The following RAB28 variants were observed in gnomAD, a reference collection of about 807,000 sequenced individuals.
RAB28 encodes RAB28, member RAS oncogene family.
A neutral mutation model predicts 31.7 loss-of-function variants in RAB28; 24 were observed. That is an observed-to-expected ratio of 0.76 (90% CI 0.55 to 1.06). RAB28 has a LOEUF of 1.06. RAB28 is among the 50% of genes least tolerant of loss of function. The probability of loss-of-function intolerance (pLI) is 0.00; values close to 1 mark genes in which losing one functional copy is unlikely to be tolerated. For synonymous variants in RAB28, 100 were observed against 90.4 expected (o/e 1.11, Z -0.60); for missense variants, 254 against 258.5 (o/e 0.98, Z 0.12).
intron 4 of RAB28, among the ~76,000 whole-genome samples, chr4:13,458,306 A>G (rs372653907): frequency 5.3e-5 from 8 of 151,924 alleles, no homozygotes; most frequent in African/African-American, 1.9e-4. Context: ...CATGGTTTTA[A>G]ATTAAGCTTG....
At chr4:13,384,233 C>A (rs1429684215) in intron 4 of RAB28, among the ~76,000 whole-genome samples, 2 of 152,312 alleles carry the variant, frequency 1.3e-5, no homozygotes, top group African/African-American at 2.4e-5. Context: ...AGCACCCGAC[C>A]CCCATGCTAA....
intron 5 of RAB28, 137 bp downstream of exon 5, chr4:13,381,354 T>C: frequency 6.9e-6 from 4 of 580,640 alleles, no homozygotes; most frequent in Non-Finnish European, 6.1e-6. Flanking sequence ...AATAAACATG[T>C]TATATCTAAT....
chr4:13,462,721 T>G (rs1715654758), intron 3 of RAB28, among the ~76,000 whole-genome samples: 1 of 152,194 alleles, frequency 6.6e-6, no homozygotes, highest in Non-Finnish European at 1.5e-5. Flanking sequence ...TTCTATAATA[T>G]ACAAAATCAC....
At chr4:13,477,335 C>T (rs1045975888) in intron 2 of RAB28, among the ~76,000 whole-genome samples, 9 of 151,472 alleles carry the variant, frequency 5.9e-5, no homozygotes, top group African/African-American at 2.2e-4. Flanking sequence ...GTTTACACCC[C>T]TAACAATCTA....
chr4:13,421,980 G>A (rs1713179275), intron 4 of RAB28, among the ~76,000 whole-genome samples: 1 of 151,312 alleles, frequency 6.6e-6, no homozygotes, highest in African/African-American at 2.4e-5. Flanking sequence ...CAGAATGAGA[G>A]AACATTTTTG....
At position 13,419,337 on chromosome 4, in the gene RAB28, T is replaced by A. The variant is rs189581320; in HGVS notation, c.392-37743A>T. ...CACCCCACTGTCAATATTAGACAGA[T>A]CAACGAGACAGAAGGTTAACACGGA... On this transcript the variant is annotated intron_variant, in intron 4 of 6. Transcript: ENST00000330852. 3.3e-4 allele frequency among the ~76,000 whole-genome samples: 51 copies of A among 152,262 alleles called. No individual in the cohort carries two copies. In the East Asian group the frequency reaches 9.8e-3, roughly 29 times the overall value.
At chr4:13,385,157 AG>A (rs1729311323) in intron 4 of RAB28, among the ~76,000 whole-genome samples, 1 of 152,230 alleles carries the variant, frequency 6.6e-6, no homozygotes, top group Non-Finnish European at 1.5e-5. Context: ...TAAAGGAAAA[AG>A]AATGAAAAGG....
intron 4 of RAB28, among the ~76,000 whole-genome samples, chr4:13,400,908 G>T (rs1244742779): frequency 6.6e-6 from 1 of 152,078 alleles, no homozygotes; most frequent in East Asian, 1.9e-4. Flanking sequence ...GCATTTCCAG[G>T]ATAAACTCCA....
At chr4:13,370,626 G>A in intron 6 of RAB28, 1 of 984,192 alleles carries the variant, frequency 1.0e-6, no homozygotes, top group Non-Finnish European at 1.2e-6. Context: ...GAAGGCATAT[G>A]CCATTTACAA....
At chr4:13,369,976 C>T in intron 6 of RAB28, 1 of 1,605,818 alleles carries the variant, frequency 6.2e-7, no homozygotes, top group South Asian at 1.1e-5. Context: ...CTGTCAATTC[C>T]ATACAACATA....
At chr4:13,407,826 T>C (rs990342244) in intron 4 of RAB28, among the ~76,000 whole-genome samples, 2 of 152,196 alleles carry the variant, frequency 1.3e-5, no homozygotes, top group African/African-American at 4.8e-5. Flanking sequence ...TGTCTATTAT[T>C]GGCGTACAGG....
At chr4:13,470,018 T>C (rs377166223) in intron 3 of RAB28, among the ~76,000 whole-genome samples, 1 of 152,048 alleles carries the variant, frequency 6.6e-6, no homozygotes, top group Non-Finnish European at 1.5e-5. Flanking sequence ...GAACAAACAC[T>C]GGTGCCTACC....
At chr4:13,440,244 T>G (rs536967114) in intron 4 of RAB28, among the ~76,000 whole-genome samples, 3 of 152,150 alleles carry the variant, frequency 2.0e-5, no homozygotes, top group African/African-American at 7.2e-5. Context: ...ATGATACAAG[T>G]CATTAGAAAA....
At chr4:13,424,522 C>A (rs539608302) in intron 4 of RAB28, among the ~76,000 whole-genome samples, 1 of 152,268 alleles carries the variant, frequency 6.6e-6, no homozygotes, top group South Asian at 2.1e-4. Context: ...TCTGCAGAGA[C>A]CCTAATTCTA....
chr4:13,416,911 G>A (rs1454663322), intron 4 of RAB28, among the ~76,000 whole-genome samples: 2 of 152,154 alleles, frequency 1.3e-5, no homozygotes, highest in African/African-American at 2.4e-5. Flanking sequence ...GCCCATGGAT[G>A]GCAAGCCGAA....
Position 13,376,595 on chromosome 4 carries a change from C to T in RAB28, c.523G>A (p.Ala175Thr). Residue 175 changes from alanine (A) to threonine (T), a missense_variant, in exon 6 of 7, where the codon GCT (alanine) becomes ACT (threonine). By Grantham distance (58) the Ala-to-Thr change is moderately conservative. Coordinates refer to ENST00000330852, the MANE Select transcript of RAB28 (RefSeq NM_001017979.3). ...SVFLCFQKVAAEILGIKLNKA... is the reference protein window; with the variant it reads ...SVFLCFQKVATEILGIKLNKA... ...TTTAATTTGATCCCAAGGATTTCAG[C>T]AGCAACTTTCTGAAAGCACAGGAAG... 1 of 1,603,070 alleles carries T rather than the reference C, an allele frequency of 6.2e-7. No individual in the cohort carries two copies. Among genetic ancestry groups the T allele is most frequent in the Non-Finnish European group, 8.5e-7 (1 of 1,175,630 alleles).
At chr4:13,466,585 ACT>A (rs1489866403) in intron 3 of RAB28, among the ~76,000 whole-genome samples, 2 of 151,908 alleles carry the variant, frequency 1.3e-5, no homozygotes, top group African/African-American at 4.8e-5. Flanking sequence ...ACCTCTGTAC[ACT>A]CTCAGTGAAA....
At chr4:13,376,713 C>CA (rs1728937975) in intron 5 of RAB28, 91 bp from the exon 6 acceptor site, 1 of 753,360 alleles carries the variant, frequency 1.3e-6, no homozygotes, top group Admixed American at 2.9e-5. Flanking sequence ...TGATAAACAG[C>CA]AATAATTGCA....
At chr4:13,434,026 C>T (rs1713961293) in intron 4 of RAB28, among the ~76,000 whole-genome samples, 1 of 152,140 alleles carries the variant, frequency 6.6e-6, no homozygotes, top group African/African-American at 2.4e-5. Context: ...ATGGATACAA[C>T]TGGAGGCCAC....
Sources: gnomAD v4.1 joint callset for allele counts (sites outside exome capture counted in the v4.1 genomes callset) on GRCh38, gnomAD v4.1.1 for gene constraint, MANE v1.5 for transcripts, NCBI Gene and HGNC (gene_info 2026-07-23, HGNC 2026-07-21) for gene names.